Variants in FUS observed in about 807,000 individuals in gnomAD.
FUS encodes RNA-binding protein FUS.
A neutral mutation model predicts 82.7 loss-of-function variants in FUS; 5 were observed. That is an observed-to-expected ratio of 0.06 (90% CI 0.03 to 0.13). FUS has a LOEUF of 0.13. Among genes scored for constraint, FUS ranks in the 10% least tolerant of loss-of-function variants. The pLI is 1.00. For missense variants in FUS, 512 were observed against 707.8 expected, an observed-to-expected ratio of 0.72 and a Z score of 3.14; for synonymous variants, 281 against 247.4, an observed-to-expected ratio of 1.14 and a Z score of -1.27.
chr16:31,192,908 C>A (rs1213773077), downstream of FUS: 4 of 486,440 alleles, frequency 8.2e-6, no homozygotes, highest in Non-Finnish European at 1.6e-5. Context: ...CAAGTATGTT[C>A]TCTACTGAAG....
At chr16:31,187,270 T>G in intron 7 of FUS, 1 of 301,254 alleles carries the variant, frequency 3.3e-6, no homozygotes, top group Non-Finnish European at 6.4e-6. Context: ...GGAAGAGGGA[T>G]GTAACATTGC....
At chr16:31,192,897 A>G (rs954778693), downstream of FUS, 3 of 486,132 alleles carry the variant, frequency 6.2e-6, no homozygotes, top group Non-Finnish European at 1.2e-5. Flanking sequence ...CAAGTGTTCC[A>G]CAAGTATGTT....
rs755870176 is a variant in FUS at position 31,191,030 on chromosome 16, C to T, written c.1461C>T (p.Arg487=). The part of the protein sequence containing the change: ...GGYDRGGYRG[R]GGDRGGFRGG... ...ATGATCGAGGCGGCTACCGGGGCCG[C>T]GGCGGGGACCGTGGAGGCTTCCGAG... Residue 487 remains arginine, a synonymous_variant, in exon 14 of 15, where the codon CGC becomes CGT. Transcript: ENST00000254108. 1.0e-4 allele frequency: 162 copies of T among 1,612,954 alleles called. No homozygotes were observed. The highest frequency in any genetic ancestry group is 1.3e-4 in the Non-Finnish European group (148 of 1,179,740).
intron 6 of FUS, chr16:31,186,255 A>T: frequency 3.8e-6 from 1 of 260,762 alleles, no homozygotes; most frequent in South Asian, 1.0e-4. Context: ...GGGTTGGGGG[A>T]GATCAAAAAC....
intron 14 of FUS, 86 bp from the exon 15 acceptor site, chr16:31,191,313 T>G: frequency 6.4e-7 from 1 of 1,553,560 alleles, no homozygotes. Context: ...CTGGGTTAGG[T>G]AGGAGGGGCA....
At chr16:31,187,010 G>C (rs2079280335) in intron 7 of FUS, 174 bp downstream of exon 7, 2 of 695,460 alleles carry the variant, frequency 2.9e-6, no homozygotes, top group South Asian at 3.1e-5. Context: ...TGCTAACCTG[G>C]AGCAGGTAGG....
At chr16:31,189,613 A>G (rs1457974420) in intron 9 of FUS, 52 bp from the exon 10 acceptor site, 1 of 1,613,042 alleles carries the variant, frequency 6.2e-7, no homozygotes, top group African/African-American at 1.3e-5. Flanking sequence ...GAAGATGGAA[A>G]GGGAGTACTG....
chr16:31,190,942 A>G (rs529176513), intron 13 of FUS, 21 bp from the exon 14 acceptor site: 1 of 1,610,498 alleles, frequency 6.2e-7, no homozygotes, highest in Non-Finnish European at 8.5e-7. Context: ...AATATGATAG[A>G]TCTTGTTTCT....
chr16:31,184,990 G>A lies in FUS; in HGVS notation c.575G>A (p.Gly192Asp). The A allele has an allele frequency of 6.2e-7, 1 of 1,613,936 alleles. No individual in the cohort carries two copies. Among genetic ancestry groups the A allele is most frequent in the African/African-American group, 1.3e-5 (1 of 74,968 alleles). ...SSMSSGGGSG[G>D]GYGNQDQSGG... ...ATGAGTAGTGGTGGTGGCAGTGGTG[G>A]CGGTTATGGCAATCAAGACCAGAGT... Residue 192 changes from glycine (G) to aspartate (D), a missense_variant, in exon 6 of 15, where the codon GGC becomes GAC. Transcript: ENST00000254108.
chr16:31,189,239 A>AGGAGT lies in FUS; in HGVS notation c.936+16_936+20dup. On this transcript the variant is annotated intron_variant, in intron 9 of 14. Transcript: ENST00000254108. Reference sequence around the variant, plus strand: ...TGGTATTATTAAGGTACTTGTGGAGAGGAGTGGGAGCTTTCTGTCAGTGTT... The same window carrying AGGAGT: ...TGGTATTATTAAGGTACTTGTGGAGAGGAGTGGAGTGGGAGCTTTCTGTCAGTGTT... 1 of 1,551,258 alleles carries AGGAGT rather than the reference A, an allele frequency of 6.4e-7. No homozygotes were observed. The highest frequency in any genetic ancestry group is 8.9e-7 in the Non-Finnish European group (1 of 1,122,836).
At chr16:31,192,491 A>C (rs1212739387), downstream of FUS, 1 of 516,448 alleles carries the variant, frequency 1.9e-6, no homozygotes, top group East Asian at 4.2e-5. Context: ...TTTGTAAGAC[A>C]GCTGCCATCA....
chr16:31,182,739 CG>C, intron 3 of FUS, 75 bp downstream of exon 3: 1 of 1,584,902 alleles, frequency 6.3e-7, no homozygotes, highest in Non-Finnish European at 8.6e-7. Context: ...TTTTTGGAGA[CG>C]GAGTCTGGTC....
downstream of FUS, chr16:31,193,647 GT>G (rs763437460): frequency 1.0e-4 from 53 of 530,440 alleles, no homozygotes; most frequent in African/African-American, 7.3e-4. Flanking sequence ...CCAGGTGACT[GT>G]TTAGTGGGTA....
In FUS at chr16:31,190,095, C is replaced by G. The variant is rs1365223804; in HGVS notation, c.1122C>G (p.Asp374Glu). ...IKVSFATRRA[D>E]FNRGGGNGRG... The stretch of plus-strand genomic sequence containing the variant: ...TCTCATTTGCTACTCGCCGGGCAGA[C>G]TTTAATCGGGGTGGTGGCAATGGTC... Residue 374 changes from aspartate (D) to glutamate (E), a missense_variant, in exon 11 of 15, where the codon GAC (aspartate) becomes GAG (glutamate). Asp to Glu is a conservative substitution (Grantham distance 45). This residue lies in a region of FUS where 63 missense variants were observed against 83.0 expected (regional missense o/e 0.76). Transcript: ENST00000254108. 6.2e-7 allele frequency: 1 copy of G among 1,614,116 alleles called. No individual in the cohort carries two copies. Among genetic ancestry groups the G allele is most frequent in the South Asian group, 1.1e-5 (1 of 91,088 alleles).
intron 8 of FUS, 124 bp from the exon 9 acceptor site, chr16:31,188,999 T>C: frequency 1.3e-6 from 1 of 763,546 alleles, no homozygotes; most frequent in Non-Finnish European, 2.4e-6. Flanking sequence ...TGTGGATTTC[T>C]TTTTAGTTGT....
chr16:31,185,178 G>GGGT lies in FUS; in HGVS notation c.764_764+2dup. The GGGT allele has an allele frequency of 6.2e-7, 1 of 1,607,312 alleles. No homozygotes were observed. Among genetic ancestry groups the GGGT allele is most frequent in the South Asian group, 1.1e-5 (1 of 90,326 alleles). ...TGGCCGTGGAGGCAGAGGTGGCATG[G>GGGT]GGTAGGTGTCTCATGAGCCAGGGAG... On this transcript the variant is annotated inframe_insertion and splice_region_variant, in exon 6 of 15. Coordinates refer to ENST00000254108, the MANE Select transcript of FUS (RefSeq NM_004960.4).
intron 3 of FUS, chr16:31,183,532 G>T: frequency 2.7e-6 from 1 of 372,232 alleles, no homozygotes; most frequent in Non-Finnish European, 5.1e-6. Flanking sequence ...TAAGAAAGGT[G>T]GTTGTCCTGT....
chr16:31,184,438 CTTTTTTT>C (rs370126678), intron 5 of FUS, 42 bp downstream of exon 5: 16 of 1,212,420 alleles, frequency 1.3e-5, no homozygotes, highest in South Asian at 2.8e-5. Flanking sequence ...TTTTCTTTTT[CTTTTTTT>C]TTTTTTTTTT....
At position 31,190,182 on chromosome 16, in the gene FUS, A is replaced by G. The variant is rs769879311; in HGVS notation, c.1168+41A>G. The G allele has an allele frequency of 4.3e-6, 7 of 1,613,692 alleles. No individual in the cohort carries two copies. The Admixed American group carries it at 1.2e-4, about 27-fold the overall frequency. The stretch of plus-strand genomic sequence containing the variant: ...CTAGTGGTGCAGAGGGGTAATGGGG[A>G]GAGTGCAGAAGATGGTAAAGGCTTG... On this transcript the variant is annotated intron_variant, in intron 11 of 14. Coordinates refer to ENST00000254108, the MANE Select transcript of FUS (RefSeq NM_004960.4).
Sources: allele counts gnomAD v4.1 joint callset, GRCh38; gene constraint gnomAD v4.1.1; regional missense constraint gnomAD v4.1.1; transcripts MANE v1.5; gene names NCBI Gene and HGNC (gene_info 2026-07-23, HGNC 2026-07-21).